The following BCL2 variants were observed in gnomAD, a reference collection of about 807,000 sequenced individuals.
BCL2 encodes the protein apoptosis regulator Bcl-2.
Under a neutral mutation model 14.2 loss-of-function variants are expected in BCL2, and 1 was observed. The ratio of observed to expected loss-of-function variants is 0.07; its 90% confidence interval spans 0.02 to 0.33. The LOEUF is 0.33. Among genes scored for constraint, BCL2 ranks in the 10% least tolerant of loss-of-function variants. BCL2 has a pLI of 0.99. For missense variants in BCL2, 247 were observed against 305.9 expected, an observed-to-expected ratio of 0.81 and a Z score of 1.44; for synonymous variants, 151 against 137.2, an observed-to-expected ratio of 1.10 and a Z score of -0.70.
intron 2 of BCL2, among the ~76,000 whole-genome samples, chr18:63,266,511 G>T (rs568728452): frequency 1.9e-3 from 286 of 151,034 alleles, no homozygotes; most frequent in African/African-American, 6.9e-3. Context: ...TATAATATGT[G>T]CTTCTATTGT....
chr18:63,275,140 T>C (rs112169855), intron 2 of BCL2, among the ~76,000 whole-genome samples: 2,578 of 151,534 alleles, frequency 0.017, 75 homozygotes, highest in African/African-American at 0.06. Flanking sequence ...CCCTGTACTT[T>C]GGGAGGCTGA....
intron 2 of BCL2, among the ~76,000 whole-genome samples, chr18:63,220,495 T>C (rs2144685213): frequency 6.6e-6 from 1 of 152,358 alleles, no homozygotes; most frequent in African/African-American, 2.4e-5. Context: ...CCAGGCTTCC[T>C]GACACCAAAC....
chr18:63,283,392 C>T (rs1234727020), intron 2 of BCL2, among the ~76,000 whole-genome samples: 1 of 152,146 alleles, frequency 6.6e-6, no homozygotes, highest in Non-Finnish European at 1.5e-5. Flanking sequence ...TCTTCCTTGA[C>T]AAAAATACTT....
chr18:63,200,778 C>T (rs552558094), intron 2 of BCL2, among the ~76,000 whole-genome samples: 53 of 152,172 alleles, frequency 3.5e-4, no homozygotes, highest in South Asian at 1.2e-3. Flanking sequence ...AGCTGGGACA[C>T]GCCTGGTTAA....
chr18:63,180,347 G>A (rs1215010251), intron 2 of BCL2, among the ~76,000 whole-genome samples: 2 of 152,206 alleles, frequency 1.3e-5, no homozygotes, highest in Non-Finnish European at 2.9e-5. Flanking sequence ...TCTGGGTGTT[G>A]CTAGGAAGTC....
At chr18:63,236,761 C>T (rs899136034) in intron 2 of BCL2, among the ~76,000 whole-genome samples, 4 of 152,124 alleles carry the variant, frequency 2.6e-5, no homozygotes, top group Non-Finnish European at 4.4e-5. Flanking sequence ...AGCATGATTT[C>T]GCCTTTCCAG....
In BCL2 at chr18:63,253,982, C is replaced by T. The variant is rs117075658; in HGVS notation, c.585+64100G>A. Among the ~76,000 whole-genome samples the T allele has an allele frequency of 7.8e-3, 1,172 of 150,876 alleles. 9 individuals carry two copies. Among genetic ancestry groups the T allele is most frequent in the Non-Finnish European group, 0.011 (774 of 67,792 alleles). On this transcript the variant is annotated intron_variant, in intron 2 of 2. Coordinates refer to ENST00000333681, the MANE Select transcript of BCL2 (RefSeq NM_000633.3). ...ATTCATTTCCCACCTGTTTCTTTTA[C>T]GTTCTTGAAATACATATAAAGTTAG...
intron 2 of BCL2, among the ~76,000 whole-genome samples, chr18:63,197,852 T>C (rs1196057973): frequency 2.0e-5 from 3 of 152,170 alleles, no homozygotes; most frequent in African/African-American, 4.8e-5. Flanking sequence ...CATAGTTTTG[T>C]TGGCAAATGG....
chr18:63,138,122 G>T (rs943051980), intron 2 of BCL2, among the ~76,000 whole-genome samples: 1 of 152,254 alleles, frequency 6.6e-6, no homozygotes, highest in Admixed American at 6.5e-5. Context: ...CACTTGTCTT[G>T]CAGAAAGAGC....
chr18:63,164,856 G>A (rs530419268), intron 2 of BCL2, among the ~76,000 whole-genome samples: 2 of 152,330 alleles, frequency 1.3e-5, no homozygotes, highest in South Asian at 4.1e-4. Flanking sequence ...ATTTTCAAGA[G>A]AGACTGTGAA....
chr18:63,224,865 G>A (rs956012815), intron 2 of BCL2, among the ~76,000 whole-genome samples: 1 of 152,194 alleles, frequency 6.6e-6, no homozygotes, highest in Non-Finnish European at 1.5e-5. Context: ...GATAGCTGCT[G>A]GAGGCTGTGC....
chr18:63,133,570 G>A (rs1023502619), intron 2 of BCL2, among the ~76,000 whole-genome samples: 9 of 152,084 alleles, frequency 5.9e-5, no homozygotes, highest in African/African-American at 1.4e-4. Context: ...TTACAGGCAT[G>A]AGCCACCACC....
At chr18:63,152,133 G>A (rs1053360760) in intron 2 of BCL2, among the ~76,000 whole-genome samples, 1 of 152,208 alleles carries the variant, frequency 6.6e-6, no homozygotes, top group African/African-American at 2.4e-5. Context: ...ACACCTTCTT[G>A]TTCTCACTGC....
rs910672681 is a variant in BCL2 at position 63,286,817 on chromosome 18, G to A, written c.585+31265C>T. 2.0e-5 allele frequency among the ~76,000 whole-genome samples: 3 copies of A among 152,140 alleles called. No homozygotes were observed. The South Asian group carries it at 6.2e-4, about 32-fold the overall frequency. On this transcript the variant is annotated intron_variant, in intron 2 of 2. Coordinates refer to ENST00000333681, the MANE Select transcript of BCL2 (RefSeq NM_000633.3). The stretch of plus-strand genomic sequence containing the variant: ...GCAGGGTCCTATCTTGCTACCCCAT[G>A]ATCCCCACATGATGATTGCATGGAG...
rs937522194 is a variant in BCL2, at chr18:63,126,363, G to A, written c.*2262C>T. ...TCTGGGTGGGTCTGTGTTGAAACAGGCCACGTAAAGCAACTCTCTAAAGGT... is the reference window on the plus strand; with the variant it reads ...TCTGGGTGGGTCTGTGTTGAAACAGACCACGTAAAGCAACTCTCTAAAGGT... On this transcript the variant is annotated 3_prime_UTR_variant, in exon 3 of 3. Transcript: ENST00000333681. 4.5e-6 allele frequency: 1 copy of A among 221,048 alleles called. No individual in the cohort carries two copies. Among genetic ancestry groups the A allele is most frequent in the Non-Finnish European group, 9.1e-6 (1 of 110,118 alleles). The allele number at this position is 221,048 out of a possible 1,614,324, so 13.7% of individuals were successfully genotyped here. A position where few individuals can be genotyped will look rare whatever the true frequency, so the allele number is the denominator to read the frequency against.
At chr18:63,308,388 A>G (rs1862623047) in intron 2 of BCL2, among the ~76,000 whole-genome samples, 1 of 152,240 alleles carries the variant, frequency 6.6e-6, no homozygotes, top group Non-Finnish European at 1.5e-5. Context: ...ACCTTGGGCC[A>G]GCCCTGCTTT....
At chr18:63,267,042 T>A (rs188493661) in intron 2 of BCL2, among the ~76,000 whole-genome samples, 188 of 151,672 alleles carry the variant, frequency 1.2e-3, no homozygotes, top group African/African-American at 4.4e-3. Context: ...TCAGAAGGAG[T>A]GGCTTGTGCA....
At chr18:63,288,572 T>C (rs1016002920) in intron 2 of BCL2, among the ~76,000 whole-genome samples, 1 of 152,180 alleles carries the variant, frequency 6.6e-6, no homozygotes, top group Non-Finnish European at 1.5e-5. Flanking sequence ...ATGCTGCACA[T>C]AGGGCTGAAA....
At chr18:63,166,181 G>A (rs1308479236) in intron 2 of BCL2, among the ~76,000 whole-genome samples, 1 of 152,190 alleles carries the variant, frequency 6.6e-6, no homozygotes, top group Non-Finnish European at 1.5e-5. Flanking sequence ...CCAGAGAGAG[G>A]TGGTTGGCAG....
Sources: allele counts gnomAD v4.1 joint callset (sites outside exome capture counted in the v4.1 genomes callset), GRCh38; gene constraint gnomAD v4.1.1; transcripts MANE v1.5; gene names NCBI Gene and HGNC (gene_info 2026-07-23, HGNC 2026-07-21).